Variants in NYNRIN observed in about 807,000 individuals in gnomAD.
NYNRIN encodes protein NYNRIN.
Under a neutral mutation model 146.6 loss-of-function variants are expected in NYNRIN, and 86 were observed. The observed-to-expected ratio is 0.59, with a 90% CI of 0.49 to 0.70. The LOEUF is 0.70. NYNRIN is among the 30% of genes least tolerant of loss of function. The pLI, the probability that NYNRIN is intolerant of heterozygous loss-of-function variation, is 0.00. For missense variants in NYNRIN, 2,191 were observed against 2,377.7 expected, an observed-to-expected ratio of 0.92 and a Z score of 1.63; for synonymous variants, 1,027 against 1,001.3, an observed-to-expected ratio of 1.03 and a Z score of -0.48.
chr14:24,418,360 ACCTCCCAACC>A lies in NYNRIN; in HGVS notation c.*927_*936del, dbSNP rs374579500. The A allele has an allele frequency of 7.2e-5, 32 of 443,724 alleles. No individual in the cohort carries two copies. The highest frequency in any genetic ancestry group is 3.4e-4 in the African/African-American group (17 of 49,542). The allele number at this position is 443,724 out of a possible 1,614,324, so 27.5% of individuals were successfully genotyped here. A position where few individuals can be genotyped will look rare whatever the true frequency, so the allele number is the denominator to read the frequency against. ...CACGGTGAAGTGCTGGCATGGCTCT[ACCTCCCAACC>A]CCTCCCAACCCCATCCCAAAGCCTA... On this transcript the variant is annotated 3_prime_UTR_variant, in exon 9 of 9. Transcript: ENST00000382554.
rs199709655 is a variant in NYNRIN at position 24,416,176 on chromosome 14, C to T, written c.4427C>T (p.Pro1476Leu). The T allele has an allele frequency of 3.5e-4, 560 of 1,613,952 alleles. No homozygotes were observed. The Middle Eastern group carries it at 4.6e-3, about 13-fold the overall frequency. ...AGTCCCCATGCCATGGGCAAGAGGC[C>T]CAATTTGCTGGCATTACAGCTGAGT... is the stretch of plus-strand genomic sequence containing the variant. ...TVSPHAMGKRPNLLALQLSDS... is the reference protein window; with the variant it reads ...TVSPHAMGKRLNLLALQLSDS... The change falls in exon 9 of 9, where the codon CCC becomes CTC. Residue 1476 changes from proline (P) to leucine (L), a missense_variant. Physicochemically the swap from Pro to Leu is moderately conservative, Grantham distance 98. Transcript: ENST00000382554.
At position 24,408,008 on chromosome 14, in the gene NYNRIN, GC is replaced by G; in HGVS notation, c.344del (p.Pro115LeufsTer4). On this transcript the variant is annotated frameshift_variant, in exon 3 of 9. Coordinates refer to ENST00000382554, the MANE Select transcript of NYNRIN (RefSeq NM_025081.3). LOFTEE classifies it high-confidence loss of function. ...AGCACCCTTGCCTACCTGGTGCCTG[GC>G]CCCCCTGGCTCCCTGATGGTGGGCG... ...CWSTLAYLVP[G>X]PPGSLMVGGL... 1.2e-6 allele frequency: 2 copies of G among 1,613,974 alleles called. No individual in the cohort carries two copies. The highest frequency in any genetic ancestry group is 1.7e-6 in the Non-Finnish European group (2 of 1,179,882).
Position 24,408,692 on chromosome 14 carries a change from G to C in NYNRIN, c.898G>C (p.Glu300Gln), listed in dbSNP as rs749337820. 1.2e-6 allele frequency: 2 copies of C among 1,613,080 alleles called. No homozygotes were observed. Among genetic ancestry groups the C allele is most frequent in the South Asian group, 1.1e-5 (1 of 90,884 alleles). ...NNQDGMDSAQ[E>Q]EGTVQATSSQ... ...CCAAGATGGTATGGACAGTGCTCAA[G>C]AGGAAGGGACAGTGCAAGCCACCAG... Residue 300 changes from glutamate (E) to glutamine (Q), a missense_variant, in exon 4 of 9, where the codon GAG (glutamate) becomes CAG (glutamine). By Grantham distance (29) the Glu-to-Gln change is conservative. Transcript: ENST00000382554.
Position 24,410,199 on chromosome 14 carries a change from T to A in NYNRIN, c.2405T>A (p.Val802Glu), listed in dbSNP as rs756372580. ...CGAGTGGTCATCGATGGCAGCAGTG[T>A]GGCCATGGTGTGAGTAGTCACGGGC... is the stretch of plus-strand genomic sequence containing the variant. ...LRRVVIDGSS[V>E]AMVHGLQHFF... The change falls in exon 4 of 9, where the codon GTG becomes GAG. Residue 802 changes from valine to glutamate, a missense_variant. Coordinates refer to ENST00000382554, the MANE Select transcript of NYNRIN (RefSeq NM_025081.3). 1 of 1,593,850 alleles carries A rather than the reference T, an allele frequency of 6.3e-7. No individual in the cohort carries two copies. The highest frequency in any genetic ancestry group is 1.3e-5 in the African/African-American group (1 of 74,650).
intron 7 of NYNRIN, 74 bp from the exon 8 acceptor site, chr14:24,413,242 G>T: frequency 6.9e-7 from 1 of 1,458,246 alleles, no homozygotes; most frequent in Non-Finnish European, 9.4e-7. Flanking sequence ...GCGCCATGGA[G>T]AAGCCAGGCG....
chr14:24,405,340 T>A (rs2042870241), intron 2 of NYNRIN, among the ~76,000 whole-genome samples: 1 of 152,218 alleles, frequency 6.6e-6, no homozygotes, highest in African/African-American at 2.4e-5. Flanking sequence ...TTAAAATATG[T>A]CATATAAATG....
intron 2 of NYNRIN, among the ~76,000 whole-genome samples, chr14:24,405,618 G>A (rs572665340): frequency 9.9e-5 from 15 of 152,162 alleles, no homozygotes; most frequent in Middle Eastern, 3.4e-3. Context: ...CAGTATAGAC[G>A]GCATCATGGT....
intron 8 of NYNRIN, among the ~76,000 whole-genome samples, chr14:24,414,180 T>C (rs2042929634): frequency 6.6e-6 from 1 of 152,244 alleles, no homozygotes; most frequent in South Asian, 2.1e-4. Flanking sequence ...AAAAAAGTGA[T>C]GTGGATGAGG....
rs2042961242 is a variant in NYNRIN, at chr14:24,418,148, T to G, written c.*702T>G. On this transcript the variant is annotated 3_prime_UTR_variant, in exon 9 of 9. Coordinates refer to ENST00000382554, the MANE Select transcript of NYNRIN (RefSeq NM_025081.3). ...TGGGAAGGGCAAGGGGGAAATGGGT[T>G]GGCCTACCTCATTTGACTCCAGCCA... 1 of 405,130 alleles carries G rather than the reference T, an allele frequency of 2.5e-6. No homozygotes were observed. Among genetic ancestry groups the G allele is most frequent in the Non-Finnish European group, 4.9e-6 (1 of 202,530 alleles). 25.1% of individuals were successfully genotyped at this position (405,130 alleles called of 1,614,324 possible). A position where few individuals can be genotyped will look rare whatever the true frequency, so the allele number is the denominator to read the frequency against.
Position 24,408,362 on chromosome 14 carries a change from C to T in NYNRIN, c.692C>T (p.Ala231Val). 1 of 1,613,918 alleles carries T rather than the reference C, an allele frequency of 6.2e-7. No individual in the cohort carries two copies. Among genetic ancestry groups the T allele is most frequent in the South Asian group, 1.1e-5 (1 of 91,086 alleles). ...TGCCCTCCCCAGCAGCAGAAGGAAG[C>T]CCCAGCCATGGTGTCCGTGGGAGAG... ...LICPPQQQKE[A>V]PAMVSVGESP... Residue 231 changes from alanine to valine, a missense_variant, in exon 3 of 9, where the codon GCC becomes GTC. Physicochemically the swap from Ala to Val is moderately conservative, Grantham distance 64. Around this residue, in one of 3 missense-constraint regions of NYNRIN, gnomAD observed 895 missense variants for 941.2 expected, o/e 0.95. Coordinates refer to ENST00000382554, the MANE Select transcript of NYNRIN (RefSeq NM_025081.3).
In NYNRIN at chr14:24,416,292, A is replaced by G. The variant is rs770677942; in HGVS notation, c.4543A>G (p.Ser1515Gly). ...GTTTAGTTCTGCCTTTAACTCACTC[A>G]GCCTCGACAAGGAGAGTGGCCTGCT... Reference protein sequence around the residue: ...SPFSSAFNSLSLDKESGLLMF... With the variant: ...SPFSSAFNSLGLDKESGLLMF... The change falls in exon 9 of 9, where the codon AGC becomes GGC. Residue 1515 changes from serine (S) to glycine (G), a missense_variant. Around this residue, in one of 3 missense-constraint regions of NYNRIN, gnomAD observed 1,291 missense variants for 1,417.0 expected, o/e 0.91. Transcript: ENST00000382554. The G allele has an allele frequency of 1.2e-6, 2 of 1,613,876 alleles. No homozygotes were observed. The highest frequency in any genetic ancestry group is 1.7e-5 in the Admixed American group (1 of 60,014).
intron 2 of NYNRIN, among the ~76,000 whole-genome samples, chr14:24,401,366 C>T (rs964797255): frequency 6.6e-6 from 1 of 151,808 alleles, no homozygotes; most frequent in Non-Finnish European, 1.5e-5. Flanking sequence ...AGCTCCCTGC[C>T]TTATTTTACA....
At position 24,416,350 on chromosome 14, in the gene NYNRIN, G is replaced by C. The variant is rs778448529; in HGVS notation, c.4601G>C (p.Trp1534Ser). The change falls in exon 9 of 9, where the codon TGG becomes TCG. Residue 1534 changes from tryptophan to serine, a missense_variant. Coordinates refer to ENST00000382554, the MANE Select transcript of NYNRIN (RefSeq NM_025081.3). ...AAGGGAGATAAGAAGCCCAGGGTCTGGGTAGTCCCGACGCAACTCCGGAGG... is the reference window on the plus strand; with the variant it reads ...AAGGGAGATAAGAAGCCCAGGGTCTCGGTAGTCCCGACGCAACTCCGGAGG... ...MFKGDKKPRV[W>S]VVPTQLRRDL... 2 of 1,613,348 alleles carry C rather than the reference G, an allele frequency of 1.2e-6. No homozygotes were observed. Among genetic ancestry groups the C allele is most frequent in the Non-Finnish European group, 1.7e-6 (2 of 1,179,684 alleles).
chr14:24,413,960 T>G (rs2042928531), intron 8 of NYNRIN, among the ~76,000 whole-genome samples: 1 of 152,240 alleles, frequency 6.6e-6, no homozygotes, highest in Admixed American at 6.5e-5. Flanking sequence ...AAATGACCAC[T>G]GTCTTCATTT....
At position 24,399,270 on chromosome 14, in the gene NYNRIN, T is replaced by C. The variant is rs1194655576; in HGVS notation, c.24T>C (p.Pro8=). Residue 8 remains proline (P), a synonymous_variant, in exon 2 of 9, where the codon CCT becomes CCC. Transcript: ENST00000382554. The part of the protein sequence containing the change: MLLSGGD[P]PAQEWFMVQT... ...CCATGCTCCTGTCTGGGGGCGATCC[T>C]CCGGCGCAGGAATGGTTCATGGTGC... The C allele has an allele frequency of 6.2e-7, 1 of 1,613,762 alleles. No individual in the cohort carries two copies. The highest frequency in any genetic ancestry group is 2.2e-5 in the East Asian group (1 of 44,876).
chr14:24,401,855 G>T (rs1191934335), intron 2 of NYNRIN, among the ~76,000 whole-genome samples: 2 of 152,194 alleles, frequency 1.3e-5, no homozygotes, highest in Non-Finnish European at 1.5e-5. Context: ...GAGGTCCAGC[G>T]ATCTGACACA....
rs754932341 is a variant in NYNRIN, at chr14:24,417,257, C to T, written c.5508C>T (p.Ser1836=). 1.2e-6 allele frequency: 2 copies of T among 1,613,906 alleles called. No individual in the cohort carries two copies. Among genetic ancestry groups the T allele is most frequent in the African/African-American group, 1.3e-5 (1 of 74,942 alleles). The change falls in exon 9 of 9, where the codon TCC becomes TCT. Residue 1836 remains serine (S), a synonymous_variant. Coordinates refer to ENST00000382554, the MANE Select transcript of NYNRIN (RefSeq NM_025081.3). ...TGGGTGACCAGGTCCTTTTGCTGTC[C>T]CTCCCCAGGAATGGCAGCAGTGCCA... ...WNVGDQVLLL[S]LPRNGSSAKW...
rs1454655839 is a variant in NYNRIN at position 24,415,302 on chromosome 14, C to A, written c.3553C>A (p.Pro1185Thr). Residue 1185 changes from proline (P) to threonine (T), a missense_variant, in exon 9 of 9, where the codon CCC becomes ACC. Physicochemically the swap from Pro to Thr is conservative, Grantham distance 38. Around this residue, in one of 3 missense-constraint regions of NYNRIN, gnomAD observed 1,291 missense variants for 1,417.0 expected, o/e 0.91. Coordinates refer to ENST00000382554, the MANE Select transcript of NYNRIN (RefSeq NM_025081.3). ...TCAGGAGCACTCAGGGAGGAAGCACCCCATAGCCTATACCTCAAAACCCCT... is the reference window on the plus strand; with the variant it reads ...TCAGGAGCACTCAGGGAGGAAGCACACCATAGCCTATACCTCAAAACCCCT... The part of the protein sequence containing the change: ...LHQEHSGRKH[P>T]IAYTSKPLLP... The A allele has an allele frequency of 5.0e-6, 8 of 1,613,932 alleles. No homozygotes were observed. The highest frequency in any genetic ancestry group is 2.2e-5 in the East Asian group (1 of 44,868).
intron 2 of NYNRIN, among the ~76,000 whole-genome samples, chr14:24,400,466 A>G: frequency 6.6e-6 from 1 of 152,092 alleles, no homozygotes; most frequent in East Asian, 1.9e-4. Flanking sequence ...CCTATATCTT[A>G]ATTGGTCAAG....
Sources: allele counts gnomAD v4.1 joint callset (sites outside exome capture counted in the v4.1 genomes callset), GRCh38; gene constraint gnomAD v4.1.1; regional missense constraint gnomAD v4.1.1; transcripts MANE v1.5; gene names NCBI Gene and HGNC (gene_info 2026-07-23, HGNC 2026-07-21).